KCNH1: variants seen among roughly 807,000 people sequenced by gnomAD.
The protein encoded by KCNH1 is potassium voltage-gated channel subfamily H member 1.
A neutral mutation model predicts 69.2 loss-of-function variants in KCNH1; 27 were observed. The observed-to-expected ratio is 0.39, with a 90% CI of 0.29 to 0.54. The LOEUF (loss-of-function observed/expected upper bound fraction) is 0.54. Ranked by LOEUF, KCNH1 falls within the 20% of genes least tolerant of loss-of-function variation. The probability of loss-of-function intolerance (pLI) is 0.68; values close to 1 mark genes in which losing one functional copy is unlikely to be tolerated. For synonymous variants in KCNH1, 456 were observed against 487.7 expected (o/e 0.93, Z 0.86); for missense variants, 798 against 1,261.6 (o/e 0.63, Z 5.57).
chr1:210,724,022 A>G (rs1682534223), intron 10 of KCNH1, among the ~76,000 whole-genome samples: 1 of 152,204 alleles, frequency 6.6e-6, no homozygotes, highest in African/African-American at 2.4e-5. Flanking sequence ...ACCAGCTTAC[A>G]TGGGCTATCT....
At chr1:210,801,848 G>A (rs905497856) in intron 8 of KCNH1, among the ~76,000 whole-genome samples, 5 of 152,196 alleles carry the variant, frequency 3.3e-5, no homozygotes, top group East Asian at 1.9e-4. Flanking sequence ...AGCTCCAGCC[G>A]ATACCCTGCC....
Position 210,957,828 on chromosome 1 carries a change from C to CA in KCNH1, c.1033-37760_1033-37759insT, listed in dbSNP as rs1410073681. 1.8e-4 allele frequency among the ~76,000 whole-genome samples: 27 copies of CA among 152,254 alleles called. 1 individual carries two copies. Among genetic ancestry groups the CA allele is most frequent in the African/African-American group, 6.0e-4 (25 of 41,560 alleles). ...GTGTCTCTGCACATGAGATGGGTCT[C>CA]CTGAATACAGCACACTGATGGGTCT... On this transcript the variant is annotated intron_variant, in intron 6 of 10. Transcript: ENST00000271751.
intron 6 of KCNH1, among the ~76,000 whole-genome samples, chr1:210,958,552 A>G (rs955645768): frequency 1.3e-5 from 2 of 152,150 alleles, no homozygotes; most frequent in African/African-American, 4.8e-5. Context: ...ACACCAATCA[A>G]ACGTAGATTT....
intron 6 of KCNH1, among the ~76,000 whole-genome samples, chr1:211,000,693 C>T (rs986969649): frequency 2.0e-5 from 3 of 152,152 alleles, no homozygotes; most frequent in African/African-American, 7.2e-5. Context: ...AAAAAAGAGC[C>T]TACATTGCCA....
chr1:210,763,284 G>A (rs1683558401), intron 10 of KCNH1, among the ~76,000 whole-genome samples: 1 of 151,884 alleles, frequency 6.6e-6, no homozygotes, highest in Non-Finnish European at 1.5e-5. Context: ...ATGGACAAAA[G>A]GCAGAAACAT....
At chr1:210,684,243 C>T (rs975627660) in intron 10 of KCNH1, 105 bp from the exon 11 acceptor site, 9 of 1,244,068 alleles carry the variant, frequency 7.2e-6, no homozygotes, top group African/African-American at 1.5e-5. Context: ...TTCCAGTCCA[C>T]CTGCCACCAA....
At chr1:210,689,890 G>T (rs1336637101) in intron 10 of KCNH1, among the ~76,000 whole-genome samples, 2 of 152,236 alleles carry the variant, frequency 1.3e-5, no homozygotes, top group Non-Finnish European at 2.9e-5. Context: ...GACATGGGCA[G>T]CCTGACCCAG....
chr1:210,907,745 G>A (rs191563352), intron 7 of KCNH1, among the ~76,000 whole-genome samples: 181 of 152,224 alleles, frequency 1.2e-3, no homozygotes, highest in Non-Finnish European at 2.1e-3. Context: ...AGTGGGGGTG[G>A]GGGTTCACAT....
At chr1:210,995,773 A>G (rs1689020985) in intron 6 of KCNH1, among the ~76,000 whole-genome samples, 2 of 152,220 alleles carry the variant, frequency 1.3e-5, no homozygotes, top group South Asian at 2.1e-4. Context: ...TTTTGCCACT[A>G]AATAGGTTAC....
At chr1:210,945,590 T>A (rs1687943862) in intron 6 of KCNH1, among the ~76,000 whole-genome samples, 1 of 152,130 alleles carries the variant, frequency 6.6e-6, no homozygotes. Flanking sequence ...TTCACAGTGG[T>A]CCCCAAGGTC....
At chr1:210,795,534 C>A (rs972414358) in intron 9 of KCNH1, among the ~76,000 whole-genome samples, 4 of 152,048 alleles carry the variant, frequency 2.6e-5, no homozygotes, top group African/African-American at 9.7e-5. Context: ...TTAACCTAAG[C>A]CAAATGTAAT....
chr1:210,945,499 T>C (rs1276351369), intron 6 of KCNH1, among the ~76,000 whole-genome samples: 2 of 152,208 alleles, frequency 1.3e-5, no homozygotes, highest in Non-Finnish European at 2.9e-5. Context: ...GTTCAGGATG[T>C]GTAGGAGGCC....
chr1:210,769,281 A>G (rs1350220599), intron 10 of KCNH1, among the ~76,000 whole-genome samples: 3 of 152,238 alleles, frequency 2.0e-5, no homozygotes, highest in African/African-American at 4.8e-5. Flanking sequence ...GCCACTTATG[A>G]GCAGAGCTTT....
intron 6 of KCNH1, among the ~76,000 whole-genome samples, chr1:211,017,385 A>C (rs1344612481): frequency 6.6e-6 from 1 of 152,150 alleles, no homozygotes; most frequent in Non-Finnish European, 1.5e-5. Flanking sequence ...CCTGAGTCCT[A>C]TGAGCCGTTT....
At position 210,998,870 on chromosome 1, in the gene KCNH1, G is replaced by A. The variant is rs544180232; in HGVS notation, c.1032+19913C>T. On this transcript the variant is annotated intron_variant, in intron 6 of 10. Coordinates refer to ENST00000271751, the MANE Select transcript of KCNH1 (RefSeq NM_172362.3). Reference sequence around the variant, plus strand: ...AGGATTAAGAAACTCACTCAAAACCGCTCAAACTACATGGAAACTGAACAA... The same window carrying A: ...AGGATTAAGAAACTCACTCAAAACCACTCAAACTACATGGAAACTGAACAA... 1.8e-3 allele frequency among the ~76,000 whole-genome samples: 281 copies of A among 152,170 alleles called. 3 individuals are homozygous for A. The highest frequency in any genetic ancestry group is 8.8e-4 in the Non-Finnish European group (60 of 67,996).
intron 7 of KCNH1, among the ~76,000 whole-genome samples, chr1:210,833,385 C>T (rs970896243): frequency 2.0e-5 from 3 of 152,054 alleles, no homozygotes; most frequent in Admixed American, 6.6e-5. Context: ...TGCCACATAT[C>T]TACCACTATC....
At chr1:210,960,435 CCT>C (rs1244407611) in intron 6 of KCNH1, among the ~76,000 whole-genome samples, 16 of 152,206 alleles carry the variant, frequency 1.1e-4, no homozygotes, top group African/African-American at 3.6e-4. Flanking sequence ...GCTCTCTCCA[CCT>C]CTTTCCCCAG....
At chr1:210,901,469 G>A (rs1173267591) in intron 7 of KCNH1, among the ~76,000 whole-genome samples, 4 of 152,172 alleles carry the variant, frequency 2.6e-5, no homozygotes, top group Non-Finnish European at 5.9e-5. Context: ...GGGATGGTGT[G>A]GGCAGAGCGG....
At chr1:211,056,666 T>C (rs1690314911) in intron 5 of KCNH1, among the ~76,000 whole-genome samples, 1 of 152,140 alleles carries the variant, frequency 6.6e-6, no homozygotes, top group Non-Finnish European at 1.5e-5. Flanking sequence ...GTGTCACCCA[T>C]CTGAAAGGGG....
Sources: gnomAD v4.1 joint callset for allele counts (sites outside exome capture counted in the v4.1 genomes callset) on GRCh38, gnomAD v4.1.1 for gene constraint, MANE v1.5 for transcripts, NCBI Gene and HGNC (gene_info 2026-07-23, HGNC 2026-07-21) for gene names.